CCDC60: variants seen among roughly 807,000 people sequenced by gnomAD.
The protein encoded by CCDC60 is coiled-coil domain containing 60, also known as coiled-coil domain-containing protein 60.
Under a neutral mutation model 63.5 loss-of-function variants are expected in CCDC60, and 54 were observed. That is an observed-to-expected ratio of 0.85 (90% CI 0.68 to 1.07). CCDC60 has a LOEUF of 1.07. Ranked by LOEUF, CCDC60 falls within the 50% of genes least tolerant of loss-of-function variation. CCDC60 has a pLI of 0.00. For missense variants in CCDC60, 651 were observed against 684.3 expected (o/e 0.95, Z 0.54); for synonymous variants, 206 against 238.8 (o/e 0.86, Z 1.27).
At chr12:119,439,738 C>T (rs1007759784) in intron 2 of CCDC60, among the ~76,000 whole-genome samples, 2 of 152,160 alleles carry the variant, frequency 1.3e-5, no homozygotes, top group Non-Finnish European at 2.9e-5. Flanking sequence ...CACCCCCATC[C>T]CAGAGACTCT....
At chr12:119,510,315 T>C (rs1017716864) in intron 7 of CCDC60, among the ~76,000 whole-genome samples, 1 of 152,122 alleles carries the variant, frequency 6.6e-6, no homozygotes, top group Non-Finnish European at 1.5e-5. Flanking sequence ...CAAAACACTT[T>C]CTTCTTTTTA....
At chr12:119,525,060 C>A (rs976635106) in intron 11 of CCDC60, among the ~76,000 whole-genome samples, 3 of 152,112 alleles carry the variant, frequency 2.0e-5, no homozygotes, top group African/African-American at 7.2e-5. Context: ...ATTTATGTAT[C>A]ATTTAATGCT....
chr12:119,446,261 G>A (rs1158234323), intron 2 of CCDC60, among the ~76,000 whole-genome samples: 1 of 152,140 alleles, frequency 6.6e-6, no homozygotes, highest in East Asian at 1.9e-4. Context: ...CTCTGAGACA[G>A]CTCAAAATGC....
At chr12:119,453,789 G>C (rs1486794940) in intron 2 of CCDC60, among the ~76,000 whole-genome samples, 1 of 152,040 alleles carries the variant, frequency 6.6e-6, no homozygotes, top group Non-Finnish European at 1.5e-5. Context: ...GAATGAGAAA[G>C]AGGAGAGGGA....
At chr12:119,401,506 A>G (rs1180893791) in intron 1 of CCDC60, among the ~76,000 whole-genome samples, 1 of 152,212 alleles carries the variant, frequency 6.6e-6, no homozygotes. Context: ...AGACAGCCCG[A>G]CAATCTCAGC....
chr12:119,379,802 C>T (rs1157167340), intron 1 of CCDC60, among the ~76,000 whole-genome samples: 2 of 152,104 alleles, frequency 1.3e-5, no homozygotes, highest in East Asian at 3.8e-4. Context: ...GCCCTTTGGC[C>T]ATGACTTAAA....
At chr12:119,376,630 A>AAAAAT (rs1053514000) in intron 1 of CCDC60, among the ~76,000 whole-genome samples, 14 of 152,292 alleles carry the variant, frequency 9.2e-5, no homozygotes, top group African/African-American at 2.2e-4. Context: ...TTTGTCTCAA[A>AAAAAT]AAAATAAAAT....
intron 8 of CCDC60, among the ~76,000 whole-genome samples, chr12:119,518,651 T>C (rs537216635): frequency 1.3e-5 from 2 of 152,336 alleles, no homozygotes; most frequent in African/African-American, 4.8e-5. Flanking sequence ...AGATAATGCA[T>C]TTATTTAACA....
chr12:119,456,656 G>C lies in CCDC60; in HGVS notation c.171-15338G>C, dbSNP rs1476956201. ...AGTAAAGCCCCAAGGGCTAATGGTTGCCCATTTTTATGGTTATTTCCTGAT... is the reference window on the plus strand; with the variant it reads ...AGTAAAGCCCCAAGGGCTAATGGTTCCCCATTTTTATGGTTATTTCCTGAT... On this transcript the variant is annotated intron_variant, in intron 2 of 13. Transcript: ENST00000327554. The surrounding 1 kb of genome is among the most constrained non-coding windows in gnomAD (Gnocchi z 4.6). Among the ~76,000 whole-genome samples the C allele has an allele frequency of 1.3e-5, 2 of 152,220 alleles. No homozygotes were observed. Among genetic ancestry groups the C allele is most frequent in the African/African-American group, 4.8e-5 (2 of 41,446 alleles).
chr12:119,515,882 C>T (rs564561756), intron 7 of CCDC60, among the ~76,000 whole-genome samples: 1 of 152,228 alleles, frequency 6.6e-6, no homozygotes, highest in African/African-American at 2.4e-5. Flanking sequence ...TGAATTCAGC[C>T]TGTGGATTGC....
intron 1 of CCDC60, chr12:119,388,345 G>A (rs1956094806): frequency 6.6e-6 from 1 of 152,226 alleles, no homozygotes; most frequent in Admixed American, 6.5e-5. Flanking sequence ...GGAAGAAAGT[G>A]AGAGGAAACA....
intron 1 of CCDC60, among the ~76,000 whole-genome samples, chr12:119,411,012 C>T (rs1348083734): frequency 6.6e-6 from 1 of 152,194 alleles, no homozygotes; most frequent in Middle Eastern, 3.2e-3. Context: ...GGATTACTGG[C>T]ATGAGCCACT....
At chr12:119,478,227 A>G (rs1284508323) in intron 3 of CCDC60, among the ~76,000 whole-genome samples, 2 of 152,064 alleles carry the variant, frequency 1.3e-5, no homozygotes, top group Admixed American at 6.5e-5. Context: ...AGGCACGAGA[A>G]TTGCTTGAAC....
Position 119,420,933 on chromosome 12 carries a change from A to G in CCDC60, c.91-7750A>G, listed in dbSNP as rs948260047. On this transcript the variant is annotated intron_variant, in intron 1 of 13. Coordinates refer to ENST00000327554, the MANE Select transcript of CCDC60 (RefSeq NM_178499.5). The surrounding 1 kb of genome is among the most constrained non-coding windows in gnomAD (Gnocchi z 4.1). ...CTAAGGTCTCCGGGTTCATGTGTGT[A>G]CTCCTGCCATGATCCCGCCTACTCT... Among the ~76,000 whole-genome samples, 5 of 152,062 alleles carry G rather than the reference A, an allele frequency of 3.3e-5. No homozygotes were observed. The highest frequency in any genetic ancestry group is 5.9e-5 in the Non-Finnish European group (4 of 68,006).
intron 2 of CCDC60, among the ~76,000 whole-genome samples, chr12:119,449,469 A>G (rs1306111552): frequency 6.6e-6 from 1 of 152,226 alleles, no homozygotes; most frequent in Non-Finnish European, 1.5e-5. Flanking sequence ...CTGCACATAT[A>G]GTCCTATAAC....
chr12:119,470,380 T>C (rs1413653836), intron 2 of CCDC60, among the ~76,000 whole-genome samples: 2 of 152,206 alleles, frequency 1.3e-5, no homozygotes, highest in Non-Finnish European at 2.9e-5. Context: ...CCTGAACTGG[T>C]CCCTGGAATA....
chr12:119,434,663 CA>C (rs1350896670), intron 2 of CCDC60, among the ~76,000 whole-genome samples: 1 of 152,042 alleles, frequency 6.6e-6, no homozygotes, highest in Non-Finnish European at 1.5e-5. Context: ...AGAACCATCC[CA>C]ATAAAGACAT....
intron 1 of CCDC60, among the ~76,000 whole-genome samples, chr12:119,367,431 C>T (rs1955851952): frequency 6.6e-6 from 1 of 152,206 alleles, no homozygotes; most frequent in Non-Finnish European, 1.5e-5. Context: ...CGCCTATATC[C>T]TCCAAGTCCC....
intron 5 of CCDC60, among the ~76,000 whole-genome samples, chr12:119,489,121 G>C (rs144316238): frequency 7.3e-4 from 111 of 152,238 alleles, no homozygotes; most frequent in Non-Finnish European, 1.4e-3. Context: ...TGGGTAGCTT[G>C]AAATCAGCCA....
Sources: allele counts gnomAD v4.1 joint callset (sites outside exome capture counted in the v4.1 genomes callset), GRCh38; gene constraint gnomAD v4.1.1; non-coding constraint Gnocchi (gnomAD v3.1); transcripts MANE v1.5; gene names NCBI Gene and HGNC (gene_info 2026-07-23, HGNC 2026-07-21).